FGGY: variants seen among roughly 807,000 people sequenced by gnomAD.
FGGY encodes the protein FGGY carbohydrate kinase domain-containing protein.
A neutral mutation model predicts 71.3 loss-of-function variants in FGGY; 72 were observed. The observed-to-expected ratio is 1.01, with a 90% confidence interval of 0.84 to 1.23. The LOEUF is 1.23. Ranked by LOEUF, FGGY falls within the 50% of genes most tolerant of loss-of-function variation. FGGY has a pLI of 0.00. For missense variants in FGGY, 668 were observed against 682.3 expected (o/e 0.98, Z 0.23); for synonymous variants, 251 against 250.3 (o/e 1.00, Z -0.02).
At chr1:59,702,310 C>T (rs2097716653) in intron 14 of FGGY, among the ~76,000 whole-genome samples, 1 of 152,164 alleles carries the variant, frequency 6.6e-6, no homozygotes, top group African/African-American at 2.4e-5. Flanking sequence ...TGAGAAATCA[C>T]TATTCCAAAT....
intron 8 of FGGY, among the ~76,000 whole-genome samples, chr1:59,571,909 A>C (rs1207566894): frequency 6.6e-6 from 1 of 152,190 alleles, no homozygotes; most frequent in African/African-American, 2.4e-5. Context: ...ATGTCTTTTA[A>C]AAAATGCCTA....
chr1:59,629,656 T>G (rs1302975325), intron 10 of FGGY, among the ~76,000 whole-genome samples: 1 of 152,188 alleles, frequency 6.6e-6, no homozygotes, highest in African/African-American at 2.4e-5. Context: ...GAAGGGACCA[T>G]AACGGTCATT....
chr1:59,534,261 T>C (rs561346471), intron 7 of FGGY, among the ~76,000 whole-genome samples: 1 of 148,836 alleles, frequency 6.7e-6, no homozygotes, highest in African/African-American at 2.5e-5. Flanking sequence ...TGAAATGAAG[T>C]GAGAAGGGAA....
At chr1:59,403,315 G>A (rs912315323) in intron 5 of FGGY, among the ~76,000 whole-genome samples, 1 of 152,146 alleles carries the variant, frequency 6.6e-6, no homozygotes, top group Non-Finnish European at 1.5e-5. Flanking sequence ...TATGTCCAGT[G>A]TACAAATGTA....
chr1:59,700,202 A>G (rs2097698531), intron 14 of FGGY, among the ~76,000 whole-genome samples: 1 of 152,248 alleles, frequency 6.6e-6, no homozygotes, highest in Non-Finnish European at 1.5e-5. Context: ...TAGGAATTCT[A>G]AGAATCATTT....
At chr1:59,519,564 A>G (rs762724743) in intron 7 of FGGY, among the ~76,000 whole-genome samples, 1 of 152,200 alleles carries the variant, frequency 6.6e-6, no homozygotes, top group South Asian at 2.1e-4. Flanking sequence ...AGTGGAATTT[A>G]TATATTTTTT....
intron 5 of FGGY, among the ~76,000 whole-genome samples, chr1:59,429,439 C>T (rs2066950475): frequency 6.6e-6 from 1 of 152,086 alleles, no homozygotes; most frequent in Non-Finnish European, 1.5e-5. Flanking sequence ...GGTGCTATTG[C>T]TTTTCTTTTG....
At chr1:59,749,726 G>A (rs566371747) in intron 14 of FGGY, among the ~76,000 whole-genome samples, 11 of 152,264 alleles carry the variant, frequency 7.2e-5, no homozygotes, top group Non-Finnish European at 1.5e-4. Flanking sequence ...CTATATGCTG[G>A]CATTGTTGTG....
At chr1:59,589,985 T>G (rs951330826) in intron 8 of FGGY, among the ~76,000 whole-genome samples, 2 of 151,936 alleles carry the variant, frequency 1.3e-5, no homozygotes, top group South Asian at 4.2e-4. Context: ...TTCAAAAAAT[T>G]AATGAATCTA....
Position 59,556,988 on chromosome 1 carries a change from G to C in FGGY, c.903+2761G>C, listed in dbSNP as rs552892960. On this transcript the variant is annotated intron_variant, in intron 8 of 15. Transcript: ENST00000303721. ...ACTTGGGAGTGGGAAGGGACCCTCT[G>C]GGCCAAGGGGATTAATCATCAGCTT... Among the ~76,000 whole-genome samples the C allele has an allele frequency of 2.6e-5, 4 of 152,260 alleles. No homozygotes were observed. In the South Asian group the frequency reaches 8.3e-4, roughly 32 times the overall value.
intron 4 of FGGY, among the ~76,000 whole-genome samples, chr1:59,356,283 A>T (rs2054297377): frequency 6.6e-6 from 1 of 152,128 alleles, no homozygotes; most frequent in South Asian, 2.1e-4. Flanking sequence ...CCAGATGGCG[A>T]ATTTCTTGGT....
rs554995410 is a variant in FGGY at position 59,617,838 on chromosome 1, A to G, written c.1012-8150A>G. On this transcript the variant is annotated intron_variant, in intron 9 of 15. Transcript: ENST00000303721. Reference sequence around the variant, plus strand: ...ACAATTGTGCTTGGATTGAGTCACAAGGTCACAATGCAACAAGTTACTATG... The same window carrying G: ...ACAATTGTGCTTGGATTGAGTCACAGGGTCACAATGCAACAAGTTACTATG... 9.4e-4 allele frequency among the ~76,000 whole-genome samples: 143 copies of G among 152,184 alleles called. 1 individual carries two copies. Among genetic ancestry groups the G allele is most frequent in the Non-Finnish European group, 5.9e-4 (40 of 67,982 alleles).
At chr1:59,382,231 A>G (rs1257553977) in intron 5 of FGGY, among the ~76,000 whole-genome samples, 2 of 152,198 alleles carry the variant, frequency 1.3e-5, no homozygotes, top group Admixed American at 6.5e-5. Context: ...GGGAAATAGC[A>G]GTACCATTTC....
chr1:59,531,848 A>G (rs1423735876), intron 7 of FGGY, among the ~76,000 whole-genome samples: 1 of 152,228 alleles, frequency 6.6e-6, no homozygotes, highest in African/African-American at 2.4e-5. Flanking sequence ...GTTTGAATTA[A>G]ATTAACATCT....
intron 6 of FGGY, among the ~76,000 whole-genome samples, chr1:59,463,478 A>C (rs568905771): frequency 2.2e-4 from 33 of 152,226 alleles, no homozygotes; most frequent in Admixed American, 3.3e-4. Flanking sequence ...ACCAGCTTAC[A>C]TCATAATGAC....
chr1:59,504,658 T>C (rs2094331898), intron 6 of FGGY, among the ~76,000 whole-genome samples: 1 of 152,156 alleles, frequency 6.6e-6, no homozygotes. Flanking sequence ...TCAACAGCCT[T>C]GAGATACTCC....
At chr1:59,490,838 A>T (rs372123947) in intron 6 of FGGY, among the ~76,000 whole-genome samples, 1 of 152,072 alleles carries the variant, frequency 6.6e-6, no homozygotes, top group Non-Finnish European at 1.5e-5. Flanking sequence ...GGCTGTAGAT[A>T]GGTGGATTAA....
At chr1:59,461,517 A>C (rs1260837390) in intron 6 of FGGY, among the ~76,000 whole-genome samples, 1 of 152,238 alleles carries the variant, frequency 6.6e-6, no homozygotes, top group Non-Finnish European at 1.5e-5. Context: ...ATCCAGGAGA[A>C]CTTCCCTAAC....
chr1:59,523,040 T>A (rs2094879198), intron 7 of FGGY, among the ~76,000 whole-genome samples: 1 of 152,196 alleles, frequency 6.6e-6, no homozygotes, highest in Admixed American at 6.5e-5. Context: ...CCGAGAAAAT[T>A]AGCTGAGCTG....
Sources: gnomAD v4.1 joint callset for allele counts (sites outside exome capture counted in the v4.1 genomes callset) on GRCh38, gnomAD v4.1.1 for gene constraint, MANE v1.5 for transcripts, NCBI Gene and HGNC (gene_info 2026-07-23, HGNC 2026-07-21) for gene names.